RPS9: variants seen among roughly 807,000 people sequenced by gnomAD.
The protein encoded by RPS9 is ribosomal protein S9, also known as small ribosomal subunit protein uS4.
A neutral mutation model predicts 16.9 loss-of-function variants in RPS9; 1 was observed. That is an observed-to-expected ratio of 0.06 (90% CI 0.02 to 0.28). RPS9 has a LOEUF of 0.28. Among genes scored for constraint, RPS9 ranks in the 10% least tolerant of loss-of-function variants. The pLI is 1.00. For synonymous variants in RPS9, 106 were observed against 110.9 expected (o/e 0.96, Z 0.28); for missense variants, 137 against 273.2 (o/e 0.50, Z 3.51).
intron 3 of RPS9, chr19:54,202,345 C>T: frequency 1.2e-6 from 1 of 812,734 alleles, no homozygotes; most frequent in South Asian, 5.6e-5. Flanking sequence ...GCCACCAAGC[C>T]TGGCTAATTT....
At chr19:54,202,875 T>A in intron 3 of RPS9, 2 of 985,330 alleles carry the variant, frequency 2.0e-6, no homozygotes, top group Non-Finnish European at 2.4e-6. Context: ...AGCTTTTTCT[T>A]TAAATAGGCA....
chr19:54,206,920 A>G, intron 4 of RPS9: 1 of 523,484 alleles, frequency 1.9e-6, no homozygotes. Flanking sequence ...AGAGGGCAAG[A>G]TGTTTGCGTT....
chr19:54,207,634 T>A lies in RPS9; in HGVS notation c.*59T>A. The A allele has an allele frequency of 6.9e-7, 1 of 1,458,244 alleles. No individual in the cohort carries two copies. The highest frequency in any genetic ancestry group is 2.4e-5 in the East Asian group (1 of 40,902). The allele number at this position is 1,458,244 out of a possible 1,614,324, so 90.3% of individuals were successfully genotyped here. A position where few individuals can be genotyped will look rare whatever the true frequency, so the allele number is the denominator to read the frequency against. On this transcript the variant is annotated 3_prime_UTR_variant, in exon 5 of 5. Transcript: ENST00000302907. ...TCGTTTTCCTGCCAAATAAACAGGA[T>A]CAGCGCTTTACAATTGGTGTGTGGG...
rs374081180 is a variant in RPS9, at chr19:54,207,459, A to G, written c.469A>G (p.Ile157Val). The G allele has an allele frequency of 8.1e-6, 13 of 1,613,712 alleles. No individual in the cohort carries two copies. The highest frequency in any genetic ancestry group is 1.1e-5 in the Non-Finnish European group (13 of 1,180,002). ...FIVRLDSQKH[I>V]DFSLRSPYGG... ...TGTCCGCCTGGATTCCCAGAAGCAC[A>G]TCGACTTCTCTCTGCGCTCTCCCTA... is the stretch of plus-strand genomic sequence containing the variant. The change falls in exon 5 of 5, where the codon ATC becomes GTC. Residue 157 changes from isoleucine to valine, a missense_variant. This residue lies in a region of RPS9 where 54 missense variants were observed against 90.9 expected (regional missense o/e 0.59). Transcript: ENST00000302907.
At chr19:54,205,302 C>T (rs529731019) in intron 3 of RPS9, among the ~76,000 whole-genome samples, 113 of 151,854 alleles carry the variant, frequency 7.4e-4, no homozygotes, top group African/African-American at 2.6e-3. Context: ...TGGCTTTGGA[C>T]AGGGTAAGGA....
intron 1 of RPS9, 52 bp downstream of exon 1, chr19:54,200,940 C>T (rs1030364362): frequency 2.1e-6 from 3 of 1,403,458 alleles, no homozygotes; most frequent in South Asian, 1.6e-5. Context: ...GATGGTGGCC[C>T]GGGCCTTCCG....
chr19:54,201,471 C>CG lies in RPS9; in HGVS notation c.98-16_98-15insG. The CG allele has an allele frequency of 6.2e-7, 1 of 1,613,990 alleles. No individual in the cohort carries two copies. The highest frequency in any genetic ancestry group is 8.5e-7 in the Non-Finnish European group (1 of 1,179,956). The stretch of plus-strand genomic sequence containing the variant: ...GTACGTGGGACTACACTTGTCCACC[C>CG]CCTTCTCCCCACCAGGCGAGTATGG... On this transcript the variant is annotated splice_polypyrimidine_tract_variant and intron_variant, in intron 2 of 4. Coordinates refer to ENST00000302907, the MANE Select transcript of RPS9 (RefSeq NM_001013.4).
chr19:54,200,921 T>C, intron 1 of RPS9, 33 bp downstream of exon 1: 16 of 1,215,914 alleles, frequency 1.3e-5, no homozygotes, highest in Non-Finnish European at 1.7e-5. Flanking sequence ...TTCTCTAGGG[T>C]TTGGGTTGGA....
intron 3 of RPS9, chr19:54,202,294 T>G (rs533121190): frequency 1.7e-5 from 6 of 346,412 alleles, no homozygotes; most frequent in Non-Finnish European, 2.4e-5. Flanking sequence ...CAAGCGATTC[T>G]CCTGTCTTAG....
At chr19:54,203,026 C>G in intron 3 of RPS9, 1 of 984,872 alleles carries the variant, frequency 1.0e-6, no homozygotes, top group South Asian at 4.7e-5. Context: ...ATTTGTAGAC[C>G]CCGTTGATAA....
chr19:54,204,353 G>A (rs1387072170), intron 3 of RPS9, among the ~76,000 whole-genome samples: 5 of 152,216 alleles, frequency 3.3e-5, no homozygotes, highest in Admixed American at 2.0e-4. Flanking sequence ...CAACGAGAGC[G>A]AAACTCTGTC....
intron 4 of RPS9, 114 bp downstream of exon 4, chr19:54,206,576 C>G: frequency 6.4e-7 from 1 of 1,556,560 alleles, no homozygotes; most frequent in Non-Finnish European, 8.7e-7. Flanking sequence ...TGGGTGTGAA[C>G]TCACCCAGAG....
At chr19:54,205,498 C>G (rs753612012) in intron 3 of RPS9, among the ~76,000 whole-genome samples, 5 of 151,880 alleles carry the variant, frequency 3.3e-5, no homozygotes, top group Non-Finnish European at 5.9e-5. Flanking sequence ...TTACTTTTCT[C>G]TCCTTAAAAG....
intron 3 of RPS9, among the ~76,000 whole-genome samples, chr19:54,204,324 C>T (rs1199928339): frequency 6.6e-6 from 1 of 152,206 alleles, no homozygotes; most frequent in Non-Finnish European, 1.5e-5. Flanking sequence ...GAGATCACGC[C>T]ATTGCACTCC....
In RPS9 at chr19:54,201,275, C is replaced by T; in HGVS notation, c.91C>T (p.Leu31=). ...ATCTCGTCTCGACCAAGAGCTGAAG[C>T]TGATCGGTGAGTGGCCAAGGCTTCC... ...EKSRLDQELK[L]IGEYGLRNKR... The change falls in exon 2 of 5, where the codon CTG becomes TTG. Residue 31 remains leucine, a synonymous_variant. Coordinates refer to ENST00000302907, the MANE Select transcript of RPS9 (RefSeq NM_001013.4). The T allele has an allele frequency of 6.2e-7, 1 of 1,614,014 alleles. No individual in the cohort carries two copies. Among genetic ancestry groups the T allele is most frequent in the Non-Finnish European group, 8.5e-7 (1 of 1,179,954 alleles).
intron 4 of RPS9, chr19:54,206,813 G>A: frequency 2.5e-6 from 3 of 1,199,132 alleles, no homozygotes; most frequent in Non-Finnish European, 3.4e-6. Context: ...GCCCGCTTGT[G>A]AAGTTGATTC....
At chr19:54,205,082 C>T (rs892805838) in intron 3 of RPS9, among the ~76,000 whole-genome samples, 2 of 152,120 alleles carry the variant, frequency 1.3e-5, no homozygotes, top group Non-Finnish European at 2.9e-5. Context: ...TGAAAGCTTG[C>T]TTGAATGGTT....
At chr19:54,201,389 A>T in intron 2 of RPS9, 98 bp from the exon 3 acceptor site, 1 of 1,606,854 alleles carries the variant, frequency 6.2e-7, no homozygotes, top group Non-Finnish European at 8.5e-7. Context: ...ATTTGGTACT[A>T]TTCGTGGTTT....
At chr19:54,201,443 C>T (rs1200787932) in intron 2 of RPS9, 44 bp from the exon 3 acceptor site, 2 of 1,612,420 alleles carry the variant, frequency 1.2e-6, no homozygotes, top group Admixed American at 3.3e-5. Flanking sequence ...AGTTGTTGTG[C>T]CAGTACGTGG....
Sources: gnomAD v4.1 joint callset for allele counts (sites outside exome capture counted in the v4.1 genomes callset) on GRCh38, gnomAD v4.1.1 for gene constraint, gnomAD v4.1.1 regional missense constraint, MANE v1.5 for transcripts, NCBI Gene and HGNC (gene_info 2026-07-23, HGNC 2026-07-21) for gene names.